PEAK1: variants seen among roughly 807,000 people sequenced by gnomAD.
PEAK1 encodes the protein pseudopodium enriched atypical kinase 1, also known as inactive tyrosine-protein kinase PEAK1.
Under a neutral mutation model 124.7 loss-of-function variants are expected in PEAK1, and 54 were observed. That is an observed-to-expected ratio of 0.43 (90% CI 0.35 to 0.54). The LOEUF (loss-of-function observed/expected upper bound fraction) is 0.54. Among genes scored for constraint, PEAK1 ranks in the 20% least tolerant of loss-of-function variants. PEAK1 has a pLI of 0.01. For synonymous variants in PEAK1, 719 were observed against 760.0 expected (o/e 0.95, Z 0.89); for missense variants, 2,046 against 2,134.5 (o/e 0.96, Z 0.82).
At chr15:77,205,068 G>A in intron 6 of PEAK1, 1 of 215,192 alleles carries the variant, frequency 4.6e-6, no homozygotes, top group Non-Finnish European at 9.4e-6. Flanking sequence ...AGCCTTTGAT[G>A]AAGCCAGAGA....
chr15:77,418,283 T>C, intron 1 of PEAK1: 6 of 985,326 alleles, frequency 6.1e-6, no homozygotes, highest in Non-Finnish European at 7.2e-6. Context: ...GGACAGGAGA[T>C]GGGGGGTAGT....
chr15:77,109,284 G>A lies in PEAK1; in HGVS notation c.*4872C>T, dbSNP rs1047741490. The A allele has an allele frequency of 3.3e-5, 5 of 152,192 alleles. No homozygotes were observed. Among genetic ancestry groups the A allele is most frequent in the African/African-American group, 9.7e-5 (4 of 41,432 alleles). The allele number at this position is 152,192 out of a possible 1,614,324, so 9.4% of individuals were successfully genotyped here. A position where few individuals can be genotyped will look rare whatever the true frequency, so the allele number is the denominator to read the frequency against. On this transcript the variant is annotated 3_prime_UTR_variant, in exon 10 of 10. Transcript: ENST00000682557. ...GAAGAGATCCTTCTCCTTAAATACT[G>A]AGGAACTTTGTATCTGCCAGGGCTT...
At chr15:77,327,778 T>C (rs528852794) in intron 2 of PEAK1, among the ~76,000 whole-genome samples, 4 of 151,678 alleles carry the variant, frequency 2.6e-5, no homozygotes, top group Admixed American at 1.3e-4. Context: ...AAATACTGTA[T>C]AAGGGGGAAA....
At chr15:77,300,145 T>C (rs1447816565) in intron 2 of PEAK1, among the ~76,000 whole-genome samples, 1 of 152,088 alleles carries the variant, frequency 6.6e-6, no homozygotes, top group East Asian at 1.9e-4. Flanking sequence ...TCCTGGGCCC[T>C]GTCTTAAAAC....
At chr15:77,184,832 G>A (rs1342900720) in intron 6 of PEAK1, among the ~76,000 whole-genome samples, 1 of 152,176 alleles carries the variant, frequency 6.6e-6, no homozygotes, top group Non-Finnish European at 1.5e-5. Context: ...GGGTGGCGGA[G>A]GTTGCAGTGA....
intron 1 of PEAK1, among the ~76,000 whole-genome samples, chr15:77,378,188 T>TTATATATATATATATATATATA (rs758426465): frequency 3.9e-5 from 5 of 129,690 alleles, no homozygotes; most frequent in African/African-American, 1.1e-4. Context: ...TATAACAATA[T>TTATATATATATATATATATATA]TATATATATA....
intron 1 of PEAK1, chr15:77,404,028 A>G: frequency 7.1e-6 from 7 of 980,366 alleles, no homozygotes; most frequent in Non-Finnish European, 8.5e-6. Flanking sequence ...CCTGGTAGTT[A>G]AAAACAGAAC....
chr15:77,297,058 CA>C (rs1597163825), intron 2 of PEAK1, among the ~76,000 whole-genome samples: 2 of 151,946 alleles, frequency 1.3e-5, no homozygotes, highest in East Asian at 3.9e-4. Context: ...CTGAAAGGTT[CA>C]GACTATGCTC....
At chr15:77,150,769 A>G (rs1190279776) in intron 8 of PEAK1, among the ~76,000 whole-genome samples, 3 of 146,878 alleles carry the variant, frequency 2.0e-5, no homozygotes, top group South Asian at 4.3e-4. Context: ...GGTGTTTGGT[A>G]TTTTGTCCTT....
chr15:77,402,821 T>C (rs1567357338), intron 1 of PEAK1: 1 of 985,328 alleles, frequency 1.0e-6, no homozygotes, highest in Non-Finnish European at 1.2e-6. Flanking sequence ...AAAAGCCATG[T>C]TGTATGAAAA....
At chr15:77,343,098 C>T (rs1434372473) in intron 2 of PEAK1, among the ~76,000 whole-genome samples, 1 of 152,174 alleles carries the variant, frequency 6.6e-6, no homozygotes, top group Admixed American at 6.5e-5. Context: ...ACAAAGGTTC[C>T]AATTTATCCG....
chr15:77,299,619 T>C (rs1220182438), intron 2 of PEAK1, among the ~76,000 whole-genome samples: 4 of 152,266 alleles, frequency 2.6e-5, no homozygotes, highest in Admixed American at 6.5e-5. Flanking sequence ...TTGACTTTCA[T>C]AATCTTTATG....
At chr15:77,261,326 G>A (rs2061427312) in intron 5 of PEAK1, among the ~76,000 whole-genome samples, 1 of 152,146 alleles carries the variant, frequency 6.6e-6, no homozygotes, top group South Asian at 2.1e-4. Flanking sequence ...ACTACTCCAA[G>A]CTAAAGGAGG....
upstream of PEAK1, chr15:77,420,853 C>T (rs1187649854): frequency 1.5e-5 from 6 of 398,598 alleles, no homozygotes; most frequent in Non-Finnish European, 2.2e-5. Flanking sequence ...AAGGAAAGGA[C>T]ACCAAAATAA....
intron 2 of PEAK1, chr15:77,346,638 G>A: frequency 2.0e-6 from 2 of 985,188 alleles, no homozygotes; most frequent in Non-Finnish European, 2.4e-6. Flanking sequence ...CGAAGAAACA[G>A]AAAAATGTCA....
In PEAK1 at chr15:77,346,801, T is replaced by C. The variant is rs947210905; in HGVS notation, c.-603+18362A>G. ...CAGTAAATATTTACTGAAATGCCTA[T>C]TATGGCAGACACTACTGTAGGTGCT... On this transcript the variant is annotated intron_variant, in intron 2 of 9. Transcript: ENST00000682557. 31 of 917,322 alleles carry C rather than the reference T, an allele frequency of 3.4e-5. No individual in the cohort carries two copies. The Middle Eastern group carries it at 2.2e-3, about 66-fold the overall frequency. The allele number at this position is 917,322 out of a possible 1,614,324, so 56.8% of individuals were successfully genotyped here.
chr15:77,214,624 C>CA (rs565610333), intron 6 of PEAK1, among the ~76,000 whole-genome samples: 3,229 of 108,736 alleles, frequency 0.03, 43 homozygotes, highest in Middle Eastern at 0.049. Flanking sequence ...ACTCTGTCTC[C>CA]AAAAAAAAAA....
In PEAK1 at chr15:77,133,682, T is replaced by C. The variant is rs1260335891; in HGVS notation, c.3400A>G (p.Ile1134Val). 5 of 1,614,006 alleles carry C rather than the reference T, an allele frequency of 3.1e-6. No individual in the cohort carries two copies. In the South Asian group the frequency reaches 5.5e-5, roughly 18 times the overall value. Reference protein sequence around the residue: ...RQPKGAVDDAIAFGGKTDQEA... With the variant: ...RQPKGAVDDAVAFGGKTDQEA... ...TGGTCTGTTTTCCCTCCAAAGGCGA[T>C]GGCATCGTCCACAGCTCCCTTGGGC... The change falls in exon 9 of 10, where the codon ATC becomes GTC. Residue 1134 changes from isoleucine to valine, a missense_variant. Ile to Val is a conservative substitution (Grantham distance 29). Transcript: ENST00000682557. This position sits in a 1 kb window ranked among gnomAD's most constrained non-coding sequence, Gnocchi z 4.2.
chr15:77,340,253 T>C (rs1294463395), intron 2 of PEAK1, among the ~76,000 whole-genome samples: 1 of 152,194 alleles, frequency 6.6e-6, no homozygotes, highest in Non-Finnish European at 1.5e-5. Flanking sequence ...GGATAAAGTG[T>C]ATTAAGTCCA....
Sources: gnomAD v4.1 joint callset for allele counts (sites outside exome capture counted in the v4.1 genomes callset) on GRCh38, gnomAD v4.1.1 for gene constraint, Gnocchi (gnomAD v3.1) non-coding constraint, MANE v1.5 for transcripts, NCBI Gene and HGNC (gene_info 2026-07-23, HGNC 2026-07-21) for gene names.